ARHGEF18: variants seen among roughly 807,000 people sequenced by gnomAD.
ARHGEF18 encodes rho guanine nucleotide exchange factor 18.
In ARHGEF18, 93 loss-of-function variants were observed where a neutral mutation model predicts 155.7. The ratio of observed to expected loss-of-function variants is 0.60; its 90% CI spans 0.50 to 0.71. The LOEUF (loss-of-function observed/expected upper bound fraction) is 0.71. Ranked by LOEUF, ARHGEF18 falls within the 30% of genes least tolerant of loss-of-function variation. The probability of loss-of-function intolerance (pLI) is 0.00; values close to 1 mark genes in which losing one functional copy is unlikely to be tolerated. For synonymous variants in ARHGEF18, 742 were observed against 753.1 expected, an observed-to-expected ratio of 0.99 and a Z score of 0.24; for missense variants, 1,593 against 1,816.1, an observed-to-expected ratio of 0.88 and a Z score of 2.23.
chr19:7,441,629 A>G (rs757817782), intron 11 of ARHGEF18, 24 bp from the exon 12 acceptor site: 2 of 1,596,576 alleles, frequency 1.3e-6, no homozygotes, highest in Non-Finnish European at 8.6e-7. Flanking sequence ...TTCTAAAACA[A>G]TTGTTTTTAT....
chr19:7,453,847 C>A, intron 17 of ARHGEF18, 132 bp downstream of exon 17: 2 of 1,227,126 alleles, frequency 1.6e-6, no homozygotes, highest in Non-Finnish European at 2.1e-6. Context: ...GAGAGGTGGT[C>A]ACCATCTTGG....
At chr19:7,370,906 T>G (rs748413558) in intron 2 of ARHGEF18, among the ~76,000 whole-genome samples, 1 of 151,118 alleles carries the variant, frequency 6.6e-6, no homozygotes, top group African/African-American at 2.5e-5. Flanking sequence ...CCCGCTTTTT[T>G]TTTTTCTTTC....
chr19:7,422,222 C>T (rs1973389119), intron 10 of ARHGEF18, among the ~76,000 whole-genome samples: 1 of 152,180 alleles, frequency 6.6e-6, no homozygotes. Context: ...AAACCTTCCC[C>T]TGGCTCCTAT....
In ARHGEF18 at chr19:7,471,377, C is replaced by T. The variant is rs117607202; in HGVS notation, c.*1079C>T. 3,196 of 152,600 alleles carry T rather than the reference C, an allele frequency of 0.021. 59 individuals are homozygous for T. Among genetic ancestry groups the T allele is most frequent in the Non-Finnish European group, 0.032 (2,178 of 68,244 alleles). 9.5% of individuals were successfully genotyped at this position (152,600 alleles called of 1,614,324 possible). A position where few individuals can be genotyped will look rare whatever the true frequency, so the allele number is the denominator to read the frequency against. On this transcript the variant is annotated 3_prime_UTR_variant, in exon 29 of 29. Transcript: ENST00000668164. This position sits in a 1 kb window ranked among gnomAD's most constrained non-coding sequence, Gnocchi z 4.4. The stretch of plus-strand genomic sequence containing the variant: ...GGTGGAGGAAGGAGGTGTTGGGCAG[C>T]ATCAAAGGTGCTGGGACATCCCAGG...
chr19:7,366,249 C>T (rs1348985493), intron 2 of ARHGEF18, among the ~76,000 whole-genome samples: 1 of 152,068 alleles, frequency 6.6e-6, no homozygotes, highest in African/African-American at 2.4e-5. Context: ...GCCCAGCCAG[C>T]AAGCTGAATA....
chr19:7,404,625 A>C (rs1972201976), intron 10 of ARHGEF18, among the ~76,000 whole-genome samples: 3 of 150,740 alleles, frequency 2.0e-5, no homozygotes, highest in African/African-American at 4.9e-5. Context: ...ACACCCGGCT[A>C]ATTTTTGTAT....
chr19:7,477,298 C>A (rs777864503), downstream of ARHGEF18: 3 of 1,572,068 alleles, frequency 1.9e-6, no homozygotes, highest in East Asian at 7.0e-5. Context: ...CTAGCCACGG[C>A]GGGAAGCGGC....
At position 7,392,200 on chromosome 19, in the gene ARHGEF18, C is replaced by T. The variant is rs141769009; in HGVS notation, c.967+8997C>T. Among the ~76,000 whole-genome samples, 232 of 142,214 alleles carry T rather than the reference C, an allele frequency of 1.6e-3. 6 individuals are homozygous for T. In the East Asian group the frequency reaches 0.044, roughly 27 times the overall value. The allele number at this position is 142,214 out of a possible 152,430, so 93.3% of individuals were successfully genotyped here. A position where few individuals can be genotyped will look rare whatever the true frequency, so the allele number is the denominator to read the frequency against. On this transcript the variant is annotated intron_variant, in intron 10 of 28. Transcript: ENST00000668164. The stretch of plus-strand genomic sequence containing the variant: ...AGTTTGCAGTGAGCCAAGATGGCAC[C>T]ACTGCACTCCAGCTTGGGCAACAGA...
chr19:7,395,123 T>G lies in ARHGEF18; in HGVS notation c.967+11920T>G. 1.0e-6 allele frequency: 1 copy of G among 985,482 alleles called. No individual in the cohort carries two copies. The highest frequency in any genetic ancestry group is 1.2e-6 in the Non-Finnish European group (1 of 829,976). The allele number at this position is 985,482 out of a possible 1,614,324, so 61.0% of individuals were successfully genotyped here. A position where few individuals can be genotyped will look rare whatever the true frequency, so the allele number is the denominator to read the frequency against. ...GCATGCGCTGCTCTCCTCGCGCGGC[T>G]TCCCGCTTCCGGCTCCCAGCTGCTA... On this transcript the variant is annotated intron_variant, in intron 10 of 28. Coordinates refer to ENST00000668164, the MANE Select transcript of ARHGEF18 (RefSeq NM_001367823.1). This position sits in a 1 kb window ranked among gnomAD's most constrained non-coding sequence, Gnocchi z 5.0.
chr19:7,362,328 GGAGGAGGAGGAGGAA>G lies in ARHGEF18; in HGVS notation c.-110-437_-110-423del, dbSNP rs958567140. Among the ~76,000 whole-genome samples the G allele has an allele frequency of 3.6e-4, 47 of 128,990 alleles. 3 individuals are homozygous for G. The highest frequency in any genetic ancestry group is 2.1e-3 in the African/African-American group (44 of 21,090). 84.6% of individuals were successfully genotyped at this position (128,990 alleles called of 152,430 possible). A position where few individuals can be genotyped will look rare whatever the true frequency, so the allele number is the denominator to read the frequency against. The stretch of plus-strand genomic sequence containing the variant: ...AAGGAGGAAGAAGAAGGAAGAAGGT[GGAGGAGGAGGAGGAA>G]GAGGAGGAGGAGGAAAAACAATGTG... On this transcript the variant is annotated intron_variant, in intron 1 of 28. Transcript: ENST00000668164.
At position 7,447,099 on chromosome 19, in the gene ARHGEF18, C is replaced by T; in HGVS notation, c.1668C>T (p.Gly556=). 6.2e-7 allele frequency: 1 copy of T among 1,613,706 alleles called. No individual in the cohort carries two copies. The highest frequency in any genetic ancestry group is 8.5e-7 in the Non-Finnish European group (1 of 1,179,874). ...MKEKYGVFCS[G]HNEAVSHYKL... ...AAAAGTACGGTGTGTTTTGTAGTGG[C>T]CACAATGAAGCTGTTAGTCATTACA... is the stretch of plus-strand genomic sequence containing the variant. The change falls in exon 15 of 29, where the codon GGC becomes GGT. Residue 556 remains glycine (G), a synonymous_variant. Coordinates refer to ENST00000668164, the MANE Select transcript of ARHGEF18 (RefSeq NM_001367823.1).
chr19:7,371,501 T>C (rs6603118), intron 2 of ARHGEF18, among the ~76,000 whole-genome samples: 29,952 of 151,892 alleles, frequency 0.2, 6,733 homozygotes, highest in African/African-American at 0.54. Context: ...TGGCCAACAT[T>C]GTGAAACCCC....
chr19:7,478,194 T>A, the ARHGEF18 span: 332,851 of 1,045,058 alleles, frequency 0.32, 54,851 homozygotes, highest in African/African-American at 0.52. Flanking sequence ...CTGTGATGAC[T>A]CCCCCATGAC....
intron 13 of ARHGEF18, 32 bp downstream of exon 13, chr19:7,442,084 C>T (rs777505960): frequency 6.0e-5 from 96 of 1,610,852 alleles, no homozygotes; most frequent in African/African-American, 1.1e-4. Flanking sequence ...GCCATCACAC[C>T]GGCCCTCCAC....
rs1489244941 is a variant in ARHGEF18 at position 7,406,296 on chromosome 19, G to A, written c.967+23093G>A. Among the ~76,000 whole-genome samples, 28 of 152,084 alleles carry A rather than the reference G, an allele frequency of 1.8e-4. 1 individual carries two copies. On this transcript the variant is annotated intron_variant, in intron 10 of 28. Transcript: ENST00000668164. ...GACAGGGTTTCACCATGTTGGCCAG[G>A]CTGGTCTCGAACCCCTGACCTCAGG...
In ARHGEF18 at chr19:7,388,603, G is replaced by A. The variant is rs185334016; in HGVS notation, c.967+5400G>A. On this transcript the variant is annotated intron_variant, in intron 10 of 28. Transcript: ENST00000668164. ...TATTTTTATTTATTTATTTTCAGAT[G>A]GAGTTTTGCTCTGTCACCCAGGCTG... is the stretch of plus-strand genomic sequence containing the variant. Among the ~76,000 whole-genome samples, 442 of 151,994 alleles carry A rather than the reference G, an allele frequency of 2.9e-3. 4 individuals are homozygous for A. The highest frequency in any genetic ancestry group is 0.014 in the Middle Eastern group (4 of 294).
chr19:7,386,194 C>G (rs1971064081), intron 10 of ARHGEF18, among the ~76,000 whole-genome samples: 1 of 141,538 alleles, frequency 7.1e-6, no homozygotes, highest in Admixed American at 7.2e-5. Context: ...TCATTTTTAA[C>G]ATTTTCGTTT....
intron 19 of ARHGEF18, among the ~76,000 whole-genome samples, chr19:7,459,212 A>G (rs111248454): frequency 1.9e-4 from 29 of 148,784 alleles, no homozygotes; most frequent in African/African-American, 6.5e-4. Flanking sequence ...CGCCCAGCCT[A>G]TTTTGTTTTG....
chr19:7,452,767 G>T (rs1458573671), intron 16 of ARHGEF18, among the ~76,000 whole-genome samples: 1 of 151,524 alleles, frequency 6.6e-6, no homozygotes, highest in Non-Finnish European at 1.5e-5. Context: ...TGCCCAGCTG[G>T]GAGTCTTTTA....
Sources: allele counts gnomAD v4.1 joint callset (sites outside exome capture counted in the v4.1 genomes callset), GRCh38; gene constraint gnomAD v4.1.1; non-coding constraint Gnocchi (gnomAD v3.1); transcripts MANE v1.5; gene names NCBI Gene and HGNC (gene_info 2026-07-23, HGNC 2026-07-21).